Variants in KLF12 observed in about 807,000 individuals in gnomAD.
KLF12 encodes the protein Krueppel-like factor 12.
In KLF12, 9 loss-of-function variants were observed where a neutral mutation model predicts 37.8. That is an observed-to-expected ratio of 0.24 (90% CI 0.14 to 0.42). KLF12 has a LOEUF of 0.42. Among genes scored for constraint, KLF12 ranks in the 10% least tolerant of loss-of-function variants. The pLI, the probability that KLF12 is intolerant of heterozygous loss-of-function variation, is 1.00. For synonymous variants in KLF12, 208 were observed against 202.1 expected, an observed-to-expected ratio of 1.03 and a Z score of -0.25; for missense variants, 411 against 516.0, an observed-to-expected ratio of 0.80 and a Z score of 1.97.
chr13:74,287,393 A>AGAGAGAGAGAGAGAGG, the KLF12 span, among the ~76,000 whole-genome samples: 1 of 149,526 alleles, frequency 6.7e-6, no homozygotes, highest in East Asian at 1.9e-4. Context: ...AGAGAGAGAG[A>AGAGAGAGAGAGAGAGG]GAATCCACCT....
intron 6 of KLF12, among the ~76,000 whole-genome samples, chr13:73,723,501 A>T (rs1467827774): frequency 9.4e-6 from 1 of 106,380 alleles, no homozygotes; most frequent in Non-Finnish European, 1.8e-5. Context: ...CATAAACCTT[A>T]AAAAAAAAAA....
chr13:73,715,325 G>T, intron 7 of KLF12, 43 bp downstream of exon 7: 3 of 1,579,236 alleles, frequency 1.9e-6, no homozygotes, highest in Non-Finnish European at 2.6e-6. Flanking sequence ...GCGCTTTATG[G>T]ACTCTCACTG....
rs1285834611 is a variant in KLF12 at position 73,944,033 on chromosome 13, T to A, written c.71A>T (p.Asp24Val). The change falls in exon 3 of 8, where the codon GAT (aspartate) becomes GTT (valine). Residue 24 changes from aspartate to valine, a missense_variant. Asp to Val is a radical substitution (Grantham distance 152). Coordinates refer to ENST00000377669, the MANE Select transcript of KLF12 (RefSeq NM_007249.5). The stretch of plus-strand genomic sequence containing the variant: ...TTTGACTCTGACTGCCGGCATCCCA[T>A]CAAGCATTAACATTCTGTTCTCAAA... 6.2e-7 allele frequency: 1 copy of A among 1,612,694 alleles called. No individual in the cohort carries two copies. Among genetic ancestry groups the A allele is most frequent in the South Asian group, 1.1e-5 (1 of 91,044 alleles).
chr13:73,734,091 C>T (rs929881463), intron 6 of KLF12, among the ~76,000 whole-genome samples: 15 of 152,192 alleles, frequency 9.9e-5, no homozygotes, highest in Non-Finnish European at 2.1e-4. Context: ...TTCACTCTTG[C>T]TATTCTTCTG....
the KLF12 span, among the ~76,000 whole-genome samples, chr13:74,220,821 TCA>T: frequency 6.6e-6 from 1 of 152,206 alleles, no homozygotes; most frequent in South Asian, 2.1e-4. Flanking sequence ...CCAGATTTAT[TCA>T]CATTGACTCA....
chr13:74,220,322 C>T, the KLF12 span, among the ~76,000 whole-genome samples: 2 of 152,098 alleles, frequency 1.3e-5, no homozygotes, highest in Non-Finnish European at 2.9e-5. Flanking sequence ...ATTATCTTCC[C>T]AAAGCTGTTA....
At chr13:73,867,223 T>G (rs1886218891) in intron 3 of KLF12, among the ~76,000 whole-genome samples, 1 of 150,948 alleles carries the variant, frequency 6.6e-6, no homozygotes, top group African/African-American at 2.4e-5. Flanking sequence ...AAAATAAAAG[T>G]TGAAAGTAAA....
rs1235366569 is a variant in KLF12 at position 73,846,639 on chromosome 13, A to G, written c.124-266T>C. On this transcript the variant is annotated intron_variant, in intron 3 of 7. Transcript: ENST00000377669. ...ACAATTATTAAAATACTATGAAATCAGTGCTCTATGAAGGAGAAAAGAGGC... is the reference window on the plus strand; with the variant it reads ...ACAATTATTAAAATACTATGAAATCGGTGCTCTATGAAGGAGAAAAGAGGC... 3.9e-5 allele frequency among the ~76,000 whole-genome samples: 6 copies of G among 152,190 alleles called. No individual in the cohort carries two copies. The East Asian group carries it at 1.2e-3, about 29-fold the overall frequency.
At chr13:74,127,240 T>C (rs186536700) in intron 1 of KLF12, among the ~76,000 whole-genome samples, 282 of 152,352 alleles carry the variant, frequency 1.9e-3, no homozygotes, top group Middle Eastern at 6.8e-3. Context: ...GGTTTAATTC[T>C]ACTATACTAC....
At chr13:74,039,432 C>A (rs1345793980) in intron 1 of KLF12, among the ~76,000 whole-genome samples, 2 of 151,948 alleles carry the variant, frequency 1.3e-5, no homozygotes, top group East Asian at 3.9e-4. Flanking sequence ...ACTTGGGAAG[C>A]TGAGATGGAA....
the KLF12 span, among the ~76,000 whole-genome samples, chr13:74,305,786 T>C: frequency 6.6e-6 from 1 of 151,938 alleles, no homozygotes; most frequent in African/African-American, 2.4e-5. Context: ...TGCTGGGGAG[T>C]AAAAGCCTTC....
the KLF12 span, among the ~76,000 whole-genome samples, chr13:74,188,161 T>C: frequency 5.3e-5 from 8 of 152,192 alleles, no homozygotes; most frequent in Non-Finnish European, 1.2e-4. Flanking sequence ...TGTGGTGTTT[T>C]GTGTACCTGA....
At chr13:74,239,115 C>A in the KLF12 span, among the ~76,000 whole-genome samples, 2 of 141,202 alleles carry the variant, frequency 1.4e-5, no homozygotes, top group African/African-American at 5.3e-5. Flanking sequence ...GCTTTGAATG[C>A]GTCCCAGAGA....
At chr13:74,205,819 G>C in the KLF12 span, among the ~76,000 whole-genome samples, 1 of 151,970 alleles carries the variant, frequency 6.6e-6, no homozygotes, top group South Asian at 2.1e-4. Flanking sequence ...GCTCAGGGTG[G>C]GCTGCAAAAA....
At chr13:73,894,273 A>G (rs1887652027) in intron 3 of KLF12, among the ~76,000 whole-genome samples, 1 of 152,196 alleles carries the variant, frequency 6.6e-6, no homozygotes. Context: ...TTTCGCTCTC[A>G]AGATGTCTAC....
chr13:74,159,504 G>A, the KLF12 span, among the ~76,000 whole-genome samples: 2 of 152,152 alleles, frequency 1.3e-5, no homozygotes, highest in Admixed American at 1.3e-4. Context: ...CCATGCTAAA[G>A]AAGTTTGAAA....
At chr13:73,962,247 A>G (rs1374649021) in intron 2 of KLF12, among the ~76,000 whole-genome samples, 3 of 152,228 alleles carry the variant, frequency 2.0e-5, no homozygotes, top group Non-Finnish European at 2.9e-5. Flanking sequence ...GTAATATCCT[A>G]TATGATTTCA....
At chr13:74,040,377 A>G (rs1893368818) in intron 1 of KLF12, among the ~76,000 whole-genome samples, 1 of 152,198 alleles carries the variant, frequency 6.6e-6, no homozygotes, top group South Asian at 2.1e-4. Context: ...GTACTGTGCT[A>G]TGCAGACCAG....
chr13:74,069,323 C>T (rs979914513), intron 1 of KLF12, among the ~76,000 whole-genome samples: 1 of 151,986 alleles, frequency 6.6e-6, no homozygotes, highest in Non-Finnish European at 1.5e-5. Flanking sequence ...AAATCCCCCG[C>T]GAATATGAAT....
Sources: allele counts gnomAD v4.1 joint callset (sites outside exome capture counted in the v4.1 genomes callset), GRCh38; gene constraint gnomAD v4.1.1; transcripts MANE v1.5; gene names NCBI Gene and HGNC (gene_info 2026-07-23, HGNC 2026-07-21).